NSUN6: variants seen among roughly 807,000 people sequenced by gnomAD.
NSUN6 encodes tRNA (cytosine(72)-C(5))-methyltransferase NSUN6.
In NSUN6, 64 loss-of-function variants were observed where a neutral mutation model predicts 58.0. That is an observed-to-expected ratio of 1.10 (90% CI 0.90 to 1.36). The LOEUF (loss-of-function observed/expected upper bound fraction) is 1.36. Among genes scored for constraint, NSUN6 ranks in the 40% most tolerant of loss-of-function variants. The pLI is 0.00. For synonymous variants in NSUN6, 231 were observed against 193.9 expected, an observed-to-expected ratio of 1.19 and a Z score of -1.59; for missense variants, 701 against 550.1, an observed-to-expected ratio of 1.27 and a Z score of -2.74.
intron 3 of NSUN6, among the ~76,000 whole-genome samples, chr10:18,630,602 T>C (rs893455094): frequency 5.9e-5 from 9 of 152,160 alleles, no homozygotes; most frequent in Non-Finnish European, 1.2e-4. Context: ...AAATACAAAC[T>C]ACCATCAGAG....
intron 3 of NSUN6, among the ~76,000 whole-genome samples, chr10:18,635,553 T>C (rs963819862): frequency 1.3e-5 from 2 of 151,960 alleles, no homozygotes; most frequent in Non-Finnish European, 2.9e-5. Context: ...TAAGAGGAAA[T>C]AGGCTGAGTG....
intron 6 of NSUN6, among the ~76,000 whole-genome samples, chr10:18,600,959 T>TATATATATATACACATAC: frequency 1.5e-5 from 1 of 64,926 alleles, no homozygotes; most frequent in East Asian, 8.7e-4. Flanking sequence ...TATATATATA[T>TATATATATATACACATAC]ACATATATAT....
chr10:18,656,531 C>T (rs2059779412), upstream of NSUN6, among the ~76,000 whole-genome samples: 1 of 151,814 alleles, frequency 6.6e-6, no homozygotes, highest in South Asian at 2.1e-4. Flanking sequence ...AGTGAGACTC[C>T]GTTTAAAAAA....
intron 2 of NSUN6, among the ~76,000 whole-genome samples, chr10:18,646,260 A>AT (rs1463095023): frequency 8.5e-5 from 13 of 152,192 alleles, no homozygotes; most frequent in Non-Finnish European, 1.6e-4. Flanking sequence ...ACTTACTTTT[A>AT]TATCATCCTA....
Position 18,619,298 on chromosome 10 carries a change from G to C in NSUN6, c.312-3005C>G, listed in dbSNP as rs574992896. On this transcript the variant is annotated intron_variant, in intron 3 of 10. Transcript: ENST00000377304. ...TTAGGTTGCAGCAATTTGCATTCCA[G>C]ACCTTTATGACGGAGGGAACTTACG... 1.1e-4 allele frequency among the ~76,000 whole-genome samples: 16 copies of C among 152,318 alleles called. No homozygotes were observed. The South Asian group carries it at 2.7e-3, about 26-fold the overall frequency.
intron 8 of NSUN6, among the ~76,000 whole-genome samples, chr10:18,574,210 C>G (rs754821059): frequency 5.9e-5 from 9 of 152,020 alleles, no homozygotes; most frequent in Non-Finnish European, 1.2e-4. Context: ...ACACGGCTAC[C>G]ACAGTTATTA....
chr10:18,624,718 GA>G (rs907148111), intron 3 of NSUN6, among the ~76,000 whole-genome samples: 17 of 132,172 alleles, frequency 1.3e-4, no homozygotes, highest in Middle Eastern at 4.0e-3. Flanking sequence ...TATGTTAACA[GA>G]AAAAAAAAAT....
chr10:18,633,795 GAAAAGAA>G (rs1342586201), intron 3 of NSUN6, among the ~76,000 whole-genome samples: 1 of 152,150 alleles, frequency 6.6e-6, no homozygotes, highest in Non-Finnish European at 1.5e-5. Context: ...CAAGAAAAGA[GAAAAGAA>G]ATACCAACCA....
intron 8 of NSUN6, among the ~76,000 whole-genome samples, chr10:18,566,433 C>A (rs545139293): frequency 6.7e-6 from 1 of 149,780 alleles, no homozygotes; most frequent in Admixed American, 6.7e-5. Flanking sequence ...CAATCCATTC[C>A]GTTCAGCAAT....
chr10:18,600,959 T>TATATATATATATATACATAC lies in NSUN6; in HGVS notation c.658-4633_658-4632insGTATGTATATATATATATAT. ...AAAAAAAAATATATATATATATATA[T>TATATATATATATATACATAC]ACATATATATATATATATGTATATA... On this transcript the variant is annotated intron_variant, in intron 6 of 10. Coordinates refer to ENST00000377304, the MANE Select transcript of NSUN6 (RefSeq NM_182543.5). Among the ~76,000 whole-genome samples the TATATATATATATATACATAC allele has an allele frequency of 1.1e-4, 7 of 64,956 alleles. 1 individual carries two copies. In the East Asian group the frequency reaches 5.3e-3, roughly 49 times the overall value. The allele number at this position is 64,956 out of a possible 152,430, so 42.6% of individuals were successfully genotyped here. A position where few individuals can be genotyped will look rare whatever the true frequency, so the allele number is the denominator to read the frequency against.
chr10:18,592,820 TC>T (rs964222035), intron 7 of NSUN6, among the ~76,000 whole-genome samples: 1 of 152,050 alleles, frequency 6.6e-6, no homozygotes, highest in African/African-American at 2.4e-5. Context: ...CATGACTAAA[TC>T]ACCAAAAGCA....
chr10:18,566,716 T>C (rs2055984136), intron 8 of NSUN6, among the ~76,000 whole-genome samples: 1 of 150,828 alleles, frequency 6.6e-6, no homozygotes, highest in Non-Finnish European at 1.5e-5. Flanking sequence ...TCCACTCCAT[T>C]CTCCATTTCA....
chr10:18,556,086 T>TGAATG (rs1223945187), intron 8 of NSUN6, among the ~76,000 whole-genome samples: 5 of 143,008 alleles, frequency 3.5e-5, no homozygotes, highest in Admixed American at 2.8e-4. Flanking sequence ...AATCGAGAAT[T>TGAATG]GAATGGAATG....
rs1231951239 is a variant in NSUN6 at position 18,614,575 on chromosome 10, T to C, written c.460A>G (p.Ile154Val). The change falls in exon 5 of 11, where the codon ATT becomes GTT. Residue 154 changes from isoleucine (I) to valine (V), a missense_variant. By Grantham distance (29) the Ile-to-Val change is conservative. Coordinates refer to ENST00000377304, the MANE Select transcript of NSUN6 (RefSeq NM_182543.5). ...AGDVISVYSD[I>V]KGKCKKGAKE... ...GCTCCTTTCTTACATTTTCCTTTAA[T>C]ATCAGAGTATACAGAAATAACATCT... The C allele has an allele frequency of 5.3e-6, 8 of 1,496,162 alleles. No homozygotes were observed. The highest frequency in any genetic ancestry group is 7.3e-6 in the Non-Finnish European group (8 of 1,102,984). The allele number at this position is 1,496,162 out of a possible 1,614,324, so 92.7% of individuals were successfully genotyped here. A position where few individuals can be genotyped will look rare whatever the true frequency, so the allele number is the denominator to read the frequency against.
chr10:18,587,015 A>G (rs2057179898), intron 7 of NSUN6, among the ~76,000 whole-genome samples: 1 of 152,172 alleles, frequency 6.6e-6, no homozygotes, highest in Non-Finnish European at 1.5e-5. Context: ...TTCACCTCTC[A>G]TGTATATCCA....
chr10:18,648,543 G>C lies in NSUN6; in HGVS notation c.178C>G (p.His60Asp). Residue 60 changes from histidine (H) to aspartate (D), a missense_variant, in exon 2 of 11, where the codon CAT (histidine) becomes GAT (aspartate). Transcript: ENST00000377304. ...TTCACATGTTGTACTGAGGCTAAATGTGTATTCACTCTGACAGTTGTAAAT... is the reference window on the plus strand; with the variant it reads ...TTCACATGTTGTACTGAGGCTAAATCTGTATTCACTCTGACAGTTGTAAAT... Reference protein sequence around the residue: ...PSFTTVRVNTHLASVQHVKNL... With the variant: ...PSFTTVRVNTDLASVQHVKNL... 6.2e-7 allele frequency: 1 copy of C among 1,607,468 alleles called. No individual in the cohort carries two copies. The highest frequency in any genetic ancestry group is 1.1e-5 in the South Asian group (1 of 90,912).
chr10:18,571,901 T>C (rs2056387111), intron 8 of NSUN6, among the ~76,000 whole-genome samples: 1 of 151,178 alleles, frequency 6.6e-6, no homozygotes, highest in Non-Finnish European at 1.5e-5. Context: ...CCATATTCTA[T>C]TCCTTTCTCC....
At chr10:18,567,599 C>A (rs2056056208) in intron 8 of NSUN6, among the ~76,000 whole-genome samples, 1 of 149,722 alleles carries the variant, frequency 6.7e-6, no homozygotes, top group Non-Finnish European at 1.5e-5. Flanking sequence ...ATTCCATTCT[C>A]CATTCCATTC....
rs1460558482 is a variant in NSUN6 at position 18,546,018 on chromosome 10, G to C, written c.1325C>G (p.Ala442Gly). 2 of 1,585,100 alleles carry C rather than the reference G, an allele frequency of 1.3e-6. No individual in the cohort carries two copies. The highest frequency in any genetic ancestry group is 4.5e-5 in the East Asian group (2 of 44,614). ...PDTDMDSLREARREDMLRLAN... is the reference protein window; with the variant it reads ...PDTDMDSLREGRREDMLRLAN... The stretch of plus-strand genomic sequence containing the variant: ...CAGACGCAACATGTCTTCTCTTCTG[G>C]CCTCTCTAAGAGAGTCCATGTCAGT... The change falls in exon 11 of 11, where the codon GCC becomes GGC. Residue 442 changes from alanine (A) to glycine (G), a missense_variant. Coordinates refer to ENST00000377304, the MANE Select transcript of NSUN6 (RefSeq NM_182543.5).
Sources: allele counts gnomAD v4.1 joint callset (sites outside exome capture counted in the v4.1 genomes callset), GRCh38; gene constraint gnomAD v4.1.1; transcripts MANE v1.5; gene names NCBI Gene and HGNC (gene_info 2026-07-23, HGNC 2026-07-21).